Variants in OPCML observed in about 807,000 individuals in gnomAD.
OPCML encodes opioid-binding protein/cell adhesion molecule.
In OPCML, 13 loss-of-function variants were observed where a neutral mutation model predicts 37.8. That is an observed-to-expected ratio of 0.34 (90% CI 0.22 to 0.55). The LOEUF (loss-of-function observed/expected upper bound fraction) is 0.55. Ranked by LOEUF, OPCML falls within the 20% of genes least tolerant of loss-of-function variation. OPCML has a pLI of 0.91. For synonymous variants in OPCML, 176 were observed against 168.8 expected, an observed-to-expected ratio of 1.04 and a Z score of -0.33; for missense variants, 341 against 435.6, an observed-to-expected ratio of 0.78 and a Z score of 1.93.
chr11:132,509,483 T>A lies in OPCML; in HGVS notation c.505+19578A>T, dbSNP rs115864033. 5.3e-3 allele frequency among the ~76,000 whole-genome samples: 809 copies of A among 152,200 alleles called. 9 individuals are homozygous for A. Among genetic ancestry groups the A allele is most frequent in the African/African-American group, 0.019 (784 of 41,532 alleles). On this transcript the variant is annotated intron_variant, in intron 4 of 7. Transcript: ENST00000524381. ...GAGACCTTGATAGCAGCCCCTCCCA[T>A]CACAGGCTCAGAGGCCCAGGAGGAA...
At chr11:133,142,310 G>A (rs1949835243) in intron 1 of OPCML, among the ~76,000 whole-genome samples, 1 of 152,118 alleles carries the variant, frequency 6.6e-6, no homozygotes, top group African/African-American at 2.4e-5. Flanking sequence ...GTTCCCCAGT[G>A]GCCTGACTGT....
chr11:133,315,203 T>C (rs749302352), intron 1 of OPCML, among the ~76,000 whole-genome samples: 10 of 152,228 alleles, frequency 6.6e-5, no homozygotes, highest in Middle Eastern at 3.2e-3. Flanking sequence ...ACTTTTCCTT[T>C]TGTAAAATAT....
intron 2 of OPCML, among the ~76,000 whole-genome samples, chr11:132,778,923 C>T (rs79158207): frequency 0.011 from 1,615 of 148,610 alleles, 13 homozygotes; most frequent in Middle Eastern, 0.035. Flanking sequence ...TTCTGATATA[C>T]GATTAATAAC....
At chr11:133,190,236 C>T (rs1193714666) in intron 1 of OPCML, among the ~76,000 whole-genome samples, 2 of 152,174 alleles carry the variant, frequency 1.3e-5, no homozygotes, top group African/African-American at 2.4e-5. Flanking sequence ...GATGGAAAAG[C>T]TGTGTACAAG....
intron 1 of OPCML, among the ~76,000 whole-genome samples, chr11:133,225,239 A>G (rs1461548177): frequency 1.3e-5 from 2 of 152,244 alleles, no homozygotes; most frequent in Non-Finnish European, 2.9e-5. Context: ...GGATAAAGCC[A>G]ACAGAGTAGA....
chr11:133,095,992 G>T lies in OPCML; in HGVS notation c.62-152982C>A, dbSNP rs548974644. 2.6e-5 allele frequency among the ~76,000 whole-genome samples: 4 copies of T among 151,808 alleles called. No individual in the cohort carries two copies. The South Asian group carries it at 6.2e-4, about 24-fold the overall frequency. On this transcript the variant is annotated intron_variant, in intron 1 of 7. Coordinates refer to ENST00000524381, the MANE Select transcript of OPCML (RefSeq NM_001012393.5). ...TTATTTAGAAATAAACTATATGTCA[G>T]AAACTCAGATCTACATAAAGGAAGT...
chr11:132,539,878 GTGA>G (rs2096351703), intron 3 of OPCML, among the ~76,000 whole-genome samples: 2 of 152,022 alleles, frequency 1.3e-5, no homozygotes, highest in African/African-American at 4.8e-5. Context: ...GGTGATCATG[GTGA>G]TGATGGTGGT....
At chr11:133,227,639 A>G (rs980169984) in intron 1 of OPCML, among the ~76,000 whole-genome samples, 1 of 151,056 alleles carries the variant, frequency 6.6e-6, no homozygotes, top group African/African-American at 2.4e-5. Flanking sequence ...TCAAGGAAAG[A>G]AAAAAAAAGG....
chr11:132,850,516 G>GGT (rs66934308), intron 2 of OPCML, among the ~76,000 whole-genome samples: 8,383 of 148,038 alleles, frequency 0.057, 321 homozygotes, highest in Admixed American at 0.13. Flanking sequence ...CTGTGGAAAG[G>GGT]GTGTGTGTGT....
chr11:132,650,146 C>A (rs1245984102), intron 3 of OPCML, among the ~76,000 whole-genome samples: 1 of 152,150 alleles, frequency 6.6e-6, no homozygotes, highest in Non-Finnish European at 1.5e-5. Flanking sequence ...TCTCTTCCAC[C>A]TTCTCTAACC....
At chr11:133,092,134 C>T (rs1317163735) in intron 1 of OPCML, among the ~76,000 whole-genome samples, 1 of 152,174 alleles carries the variant, frequency 6.6e-6, no homozygotes, top group Non-Finnish European at 1.5e-5. Flanking sequence ...TGTGAAGACA[C>T]AGCATCCATC....
chr11:132,688,123 C>T (rs947395788), intron 2 of OPCML, among the ~76,000 whole-genome samples: 2 of 151,780 alleles, frequency 1.3e-5, no homozygotes, highest in South Asian at 2.1e-4. Flanking sequence ...GATAACAAAA[C>T]ATGTACATTA....
At chr11:132,640,238 A>C (rs1437578693) in intron 3 of OPCML, among the ~76,000 whole-genome samples, 2 of 152,172 alleles carry the variant, frequency 1.3e-5, no homozygotes, top group Non-Finnish European at 2.9e-5. Flanking sequence ...CTCTAACGAA[A>C]GGCAATGAGC....
intron 1 of OPCML, among the ~76,000 whole-genome samples, chr11:133,412,057 A>G (rs920194196): frequency 1.3e-5 from 2 of 152,218 alleles, no homozygotes; most frequent in African/African-American, 4.8e-5. Flanking sequence ...CACGTGGCAC[A>G]TTCAAACGGT....
At chr11:132,662,493 A>C (rs960609262) in intron 2 of OPCML, among the ~76,000 whole-genome samples, 1 of 151,592 alleles carries the variant, frequency 6.6e-6, no homozygotes, top group Non-Finnish European at 1.5e-5. Context: ...ACTTCCTAGG[A>C]GCTGAGAACA....
intron 1 of OPCML, among the ~76,000 whole-genome samples, chr11:133,501,546 G>T (rs143402721): frequency 3.9e-5 from 6 of 152,158 alleles, no homozygotes; most frequent in Non-Finnish European, 8.8e-5. Flanking sequence ...AGAAGACATA[G>T]TCCCATGGGG....
intron 1 of OPCML, among the ~76,000 whole-genome samples, chr11:133,400,497 A>G (rs539788280): frequency 1.3e-5 from 2 of 152,302 alleles, no homozygotes; most frequent in South Asian, 4.1e-4. Flanking sequence ...TTTCCCAGAA[A>G]TGATTTCATT....
At chr11:133,130,451 A>C (rs1949585987) in intron 1 of OPCML, among the ~76,000 whole-genome samples, 1 of 152,180 alleles carries the variant, frequency 6.6e-6, no homozygotes, top group Non-Finnish European at 1.5e-5. Context: ...CTTAGATATA[A>C]ATCTAACATA....
chr11:133,294,288 G>A (rs1942566468), intron 1 of OPCML, among the ~76,000 whole-genome samples: 1 of 152,088 alleles, frequency 6.6e-6, no homozygotes. Flanking sequence ...ATAGAACAGA[G>A]CAGTGGCCTC....
Sources: allele counts gnomAD v4.1 joint callset (sites outside exome capture counted in the v4.1 genomes callset), GRCh38; gene constraint gnomAD v4.1.1; transcripts MANE v1.5; gene names NCBI Gene and HGNC (gene_info 2026-07-23, HGNC 2026-07-21).